The following MTFR1 variants were observed in gnomAD, a reference collection of about 807,000 sequenced individuals.
MTFR1 encodes the protein mitochondrial fission regulator 1, also known as chondrocyte protein with a poly-proline region.
Under a neutral mutation model 38.8 loss-of-function variants are expected in MTFR1, and 28 were observed. The observed-to-expected ratio is 0.72, with a 90% CI of 0.53 to 0.99. The LOEUF (loss-of-function observed/expected upper bound fraction) is 0.99, where lower values mean the gene tolerates loss of function less well. Ranked by LOEUF, MTFR1 falls within the 50% of genes least tolerant of loss-of-function variation. The pLI, the probability that MTFR1 is intolerant of heterozygous loss-of-function variation, is 0.00. For synonymous variants in MTFR1, 145 were observed against 137.0 expected (o/e 1.06, Z -0.41); for missense variants, 358 against 395.5 (o/e 0.91, Z 0.81).
chr8:65,752,588 T>C (rs78030240), intron 3 of MTFR1, among the ~76,000 whole-genome samples: 2,390 of 152,318 alleles, frequency 0.016, 68 homozygotes, highest in African/African-American at 0.053. Context: ...ATTCTTTCTT[T>C]CTCTTTAAAG....
chr8:65,707,399 A>G (rs1805816192), intron 6 of MTFR1, 143 bp downstream of exon 6: 8 of 797,038 alleles, frequency 1.0e-5, no homozygotes, highest in Non-Finnish European at 1.6e-5. Context: ...AGTGGCTTCT[A>G]TACACAGTAG....
chr8:65,736,037 TTATAC>T (rs1167527707), intron 3 of MTFR1, among the ~76,000 whole-genome samples: 1 of 152,150 alleles, frequency 6.6e-6, no homozygotes, highest in East Asian at 1.9e-4. Context: ...CAAACCCTAT[TTATAC>T]TATGTTTTTC....
At chr8:65,674,320 A>T (rs200402652) in intron 2 of MTFR1, among the ~76,000 whole-genome samples, 2,898 of 148,338 alleles carry the variant, frequency 0.02, 27 homozygotes, top group African/African-American at 0.028. Flanking sequence ...TTTTTTTTTT[A>T]AAGAAAAAAA....
intron 3 of MTFR1, among the ~76,000 whole-genome samples, chr8:65,764,708 T>A (rs373274958): frequency 2.0e-5 from 3 of 152,232 alleles, no homozygotes; most frequent in East Asian, 3.9e-4. Context: ...TTAAGAAACA[T>A]CTTCTTTCAT....
intron 4 of MTFR1, among the ~76,000 whole-genome samples, chr8:65,701,637 C>A (rs1314297718): frequency 2.0e-5 from 3 of 152,132 alleles, no homozygotes; most frequent in Non-Finnish European, 4.4e-5. Context: ...GATGAACATA[C>A]TTATAAAAGT....
At chr8:65,720,774 A>C (rs1448845570) in intron 3 of MTFR1, among the ~76,000 whole-genome samples, 8 of 152,206 alleles carry the variant, frequency 5.3e-5, no homozygotes, top group Non-Finnish European at 1.0e-4. Context: ...ACAAACATAG[A>C]AAAGTGTCAT....
rs750836515 is a variant in MTFR1 at position 65,682,981 on chromosome 8, C to T, written c.165+530C>T. ...TTTCGCAGTGAGGTGATAGTCAAACCGTGAATCAGGAGAACTTTTGAAAGT... is the reference window on the plus strand; with the variant it reads ...TTTCGCAGTGAGGTGATAGTCAAACTGTGAATCAGGAGAACTTTTGAAAGT... On this transcript the variant is annotated intron_variant, in intron 3 of 7. Transcript: ENST00000262146. 1.2e-5 allele frequency: 11 copies of T among 942,456 alleles called. No individual in the cohort carries two copies. In the African/African-American group the frequency reaches 1.6e-4, roughly 14 times the overall value. The allele number at this position is 942,456 out of a possible 1,614,324, so 58.4% of individuals were successfully genotyped here. A position where few individuals can be genotyped will look rare whatever the true frequency, so the allele number is the denominator to read the frequency against.
At chr8:65,701,002 G>A (rs1306352872) in intron 4 of MTFR1, among the ~76,000 whole-genome samples, 2 of 152,170 alleles carry the variant, frequency 1.3e-5, no homozygotes, top group African/African-American at 4.8e-5. Context: ...ATGTAAAAAT[G>A]CAGATTTACT....
chr8:65,711,401 C>T (rs1331439558), downstream of MTFR1, among the ~76,000 whole-genome samples: 2 of 152,154 alleles, frequency 1.3e-5, no homozygotes, highest in South Asian at 4.1e-4. Context: ...CTGATAACTT[C>T]CCCAGAAATA....
At chr8:65,659,666 G>C (rs954147437) in intron 1 of MTFR1, among the ~76,000 whole-genome samples, 2 of 152,096 alleles carry the variant, frequency 1.3e-5, no homozygotes, top group Admixed American at 1.3e-4. Flanking sequence ...GACAGGAAGC[G>C]GGTAGGCTGT....
chr8:65,707,363 T>G lies in MTFR1; in HGVS notation c.764+107T>G, dbSNP rs567805858. 29 of 1,226,468 alleles carry G rather than the reference T, an allele frequency of 2.4e-5. No individual in the cohort carries two copies. In the African/African-American group the frequency reaches 4.4e-4, roughly 19 times the overall value. 76.0% of individuals were successfully genotyped at this position (1,226,468 alleles called of 1,614,324 possible). A position where few individuals can be genotyped will look rare whatever the true frequency, so the allele number is the denominator to read the frequency against. On this transcript the variant is annotated intron_variant, in intron 6 of 7. Coordinates refer to ENST00000262146, the MANE Select transcript of MTFR1 (RefSeq NM_014637.4). Reference sequence around the variant, plus strand: ...TATAACATGACTGCCATGAATAGTTTTTAGTTTAAAAAAAAGATGAGCCCC... The same window carrying G: ...TATAACATGACTGCCATGAATAGTTGTTAGTTTAAAAAAAAGATGAGCCCC...
chr8:65,675,952 T>C (rs1286172184), intron 2 of MTFR1, among the ~76,000 whole-genome samples: 2 of 152,232 alleles, frequency 1.3e-5, no homozygotes, highest in South Asian at 2.1e-4. Context: ...TTCTGATTAA[T>C]TTCAGTATTT....
intron 2 of MTFR1, chr8:65,717,694 A>G (rs1028002177): frequency 6.6e-6 from 1 of 152,252 alleles, no homozygotes; most frequent in African/African-American, 2.4e-5. Context: ...ATGAAAAGAT[A>G]GGTTTTTATT....
intron 3 of MTFR1, among the ~76,000 whole-genome samples, chr8:65,731,186 CTA>C (rs1806872404): frequency 6.6e-6 from 1 of 152,102 alleles, no homozygotes; most frequent in Non-Finnish European, 1.5e-5. Flanking sequence ...GCCAAAATTC[CTA>C]TCTTACTCAT....
intron 2 of MTFR1, among the ~76,000 whole-genome samples, chr8:65,680,173 G>C (rs187139656): frequency 2.0e-5 from 3 of 151,770 alleles, no homozygotes; most frequent in Non-Finnish European, 4.4e-5. Flanking sequence ...TCAGGGGTTG[G>C]GGGGCGGGGG....
At chr8:65,664,579 C>T (rs76612507) in intron 1 of MTFR1, among the ~76,000 whole-genome samples, 2,782 of 148,814 alleles carry the variant, frequency 0.019, 25 homozygotes, top group African/African-American at 0.025. Context: ...GGTTATACCT[C>T]AATTTAAATA....
At chr8:65,664,387 A>G (rs1475374851) in intron 1 of MTFR1, among the ~76,000 whole-genome samples, 1 of 152,234 alleles carries the variant, frequency 6.6e-6, no homozygotes, top group African/African-American at 2.4e-5. Context: ...GTTGAATTAT[A>G]GAAGTCAGAA....
chr8:65,655,970 C>CTATATATATAT (rs1809252480), intron 1 of MTFR1, among the ~76,000 whole-genome samples: 5 of 53,632 alleles, frequency 9.3e-5, no homozygotes, highest in African/African-American at 5.1e-4. Flanking sequence ...ATATATATAC[C>CTATATATATAT]ATATATATAT....
At chr8:65,654,478 T>C (rs79375794) in intron 1 of MTFR1, among the ~76,000 whole-genome samples, 2,806 of 152,286 alleles carry the variant, frequency 0.018, 25 homozygotes, top group African/African-American at 0.025. Context: ...TCTTTCACAG[T>C]AATGTTTCAG....
Sources: allele counts gnomAD v4.1 joint callset (sites outside exome capture counted in the v4.1 genomes callset), GRCh38; gene constraint gnomAD v4.1.1; transcripts MANE v1.5; gene names NCBI Gene and HGNC (gene_info 2026-07-23, HGNC 2026-07-21).